NDUFAF6: variants seen among roughly 807,000 people sequenced by gnomAD.
NDUFAF6 encodes the protein NADH dehydrogenase (ubiquinone) complex I, assembly factor 6.
Under a neutral mutation model 40.8 loss-of-function variants are expected in NDUFAF6, and 45 were observed. The ratio of observed to expected loss-of-function variants is 1.10; its 90% confidence interval spans 0.87 to 1.42. The LOEUF is 1.42. NDUFAF6 is among the 40% of genes most tolerant of loss of function. The pLI is 0.00. For missense variants in NDUFAF6, 435 were observed against 418.5 expected, an observed-to-expected ratio of 1.04 and a Z score of -0.34; for synonymous variants, 185 against 155.9, an observed-to-expected ratio of 1.19 and a Z score of -1.39.
chr8:94,958,399 C>T (rs1444049693), intron 1 of NDUFAF6, among the ~76,000 whole-genome samples: 1 of 152,022 alleles, frequency 6.6e-6, no homozygotes, highest in Non-Finnish European at 1.5e-5. Flanking sequence ...CATGCTCTGC[C>T]TGTGTTTGTC....
chr8:94,963,583 T>C (rs529149073), intron 1 of NDUFAF6, among the ~76,000 whole-genome samples: 1 of 152,360 alleles, frequency 6.6e-6, no homozygotes, highest in African/African-American at 2.4e-5. Context: ...GGCCAGAGGC[T>C]GGCTCAGCTG....
At chr8:94,933,216 AATAC>A (rs1820602138) in intron 1 of NDUFAF6, among the ~76,000 whole-genome samples, 1 of 152,190 alleles carries the variant, frequency 6.6e-6, no homozygotes, top group South Asian at 2.1e-4. Context: ...TCCGTGTTAA[AATAC>A]ATAAATAAAA....
intron 1 of NDUFAF6, among the ~76,000 whole-genome samples, chr8:95,100,809 G>A (rs1373748264): frequency 5.9e-5 from 9 of 152,124 alleles, no homozygotes; most frequent in African/African-American, 2.2e-4. Flanking sequence ...TGTAAAGTAG[G>A]TGTGCCTATT....
chr8:95,024,787 G>C (rs979627463), upstream of NDUFAF6, among the ~76,000 whole-genome samples: 1 of 152,234 alleles, frequency 6.6e-6, no homozygotes, highest in Non-Finnish European at 1.5e-5. Context: ...AGCCCAGGAG[G>C]GGTCGGACGG....
upstream of NDUFAF6, among the ~76,000 whole-genome samples, chr8:94,954,679 T>C (rs981588949): frequency 3.3e-5 from 5 of 149,586 alleles, no homozygotes; most frequent in African/African-American, 7.4e-5. Flanking sequence ...GAAGAGTCTT[T>C]GCTGTGCTTA....
chr8:94,946,427 G>A (rs575116975), intron 2 of NDUFAF6, among the ~76,000 whole-genome samples: 59 of 151,982 alleles, frequency 3.9e-4, no homozygotes, highest in African/African-American at 1.3e-3. Flanking sequence ...GAGGCTGGGC[G>A]CAGTGGCTCA....
chr8:95,049,194 ACT>A (rs1831153208), intron 7 of NDUFAF6, among the ~76,000 whole-genome samples: 2 of 151,586 alleles, frequency 1.3e-5, no homozygotes, highest in Non-Finnish European at 2.9e-5. Flanking sequence ...GTCATTTACA[ACT>A]CGTTTTCCTG....
intron 1 of NDUFAF6, chr8:95,100,676 C>G (rs1486118128): frequency 1.3e-5 from 2 of 152,186 alleles, no homozygotes; most frequent in Non-Finnish European, 2.9e-5. Context: ...ACGCAGCTTC[C>G]AGTATGATTT....
intron 4 of NDUFAF6, among the ~76,000 whole-genome samples, chr8:95,113,122 C>A (rs1389302613): frequency 6.6e-6 from 1 of 152,204 alleles, no homozygotes; most frequent in African/African-American, 2.4e-5. Context: ...TGCCGGAGGT[C>A]ACACAGGTTG....
intron 1 of NDUFAF6, among the ~76,000 whole-genome samples, chr8:94,958,616 C>G (rs1022094378): frequency 7.1e-6 from 1 of 140,654 alleles, no homozygotes; most frequent in African/African-American, 2.7e-5. Context: ...CTCACTGCAG[C>G]CTCCGCCTTC....
chr8:94,948,887 G>A (rs1369432487), intron 2 of NDUFAF6, among the ~76,000 whole-genome samples: 1 of 151,570 alleles, frequency 6.6e-6, no homozygotes, highest in Non-Finnish European at 1.5e-5. Context: ...GCCAGGCCGG[G>A]CCCTTGTCCG....
chr8:94,977,031 G>A (rs1300786205), intron 1 of NDUFAF6, among the ~76,000 whole-genome samples: 2 of 151,240 alleles, frequency 1.3e-5, no homozygotes, highest in African/African-American at 4.9e-5. Context: ...CACACCTGTG[G>A]TCCCACCTAG....
Position 94,930,545 on chromosome 8 carries a change from G to A in NDUFAF6, c.-935-14938G>A, listed in dbSNP as rs77630257. ...AGCCATTGTGCTTGACTTGCCGAGG[G>A]TGGCAATCCCTGGTAAGATTTTGGC... On this transcript the variant is annotated intron_variant, in intron 1 of 14. Coordinates refer to the NDUFAF6 transcript ENST00000396113. 2,229 of 1,614,224 alleles carry A rather than the reference G, an allele frequency of 1.4e-3. 18 individuals carry two copies. The African/African-American group carries it at 0.027, about 19-fold the overall frequency.
At chr8:94,923,344 A>G (rs536209452) in intron 1 of NDUFAF6, among the ~76,000 whole-genome samples, 1 of 152,348 alleles carries the variant, frequency 6.6e-6, no homozygotes, top group South Asian at 2.1e-4. Flanking sequence ...TGCACTGTCC[A>G]GTATGGTAGC....
intron 9 of NDUFAF6, among the ~76,000 whole-genome samples, chr8:95,075,003 GA>G (rs1179564290): frequency 1.3e-5 from 2 of 152,046 alleles, no homozygotes; most frequent in Non-Finnish European, 2.9e-5. Context: ...AGTCTAACGT[GA>G]AAAACATTAT....
intron 1 of NDUFAF6, among the ~76,000 whole-genome samples, chr8:94,925,014 A>G (rs574265195): frequency 6.6e-6 from 1 of 152,332 alleles, no homozygotes; most frequent in South Asian, 2.1e-4. Flanking sequence ...AAGTGCTGGC[A>G]TTACAGGCAC....
upstream of NDUFAF6, among the ~76,000 whole-genome samples, chr8:95,023,532 T>C (rs1827786048): frequency 6.6e-6 from 1 of 152,160 alleles, no homozygotes; most frequent in Non-Finnish European, 1.5e-5. Flanking sequence ...GGAAACGCCA[T>C]GATCAGATGG....
chr8:94,964,785 T>C (rs1178304352), intron 1 of NDUFAF6, among the ~76,000 whole-genome samples: 4 of 152,184 alleles, frequency 2.6e-5, no homozygotes, highest in Admixed American at 6.5e-5. Flanking sequence ...CTTCCAACAT[T>C]GGTGGGGGTC....
chr8:95,118,030 C>T (rs1050909417), downstream of NDUFAF6, among the ~76,000 whole-genome samples: 15 of 152,194 alleles, frequency 9.9e-5, no homozygotes, highest in Admixed American at 3.3e-4. Context: ...ATCTGATTGC[C>T]GTCAGGTGTT....
Sources: gnomAD v4.1 joint callset for allele counts (sites outside exome capture counted in the v4.1 genomes callset) on GRCh38, gnomAD v4.1.1 for gene constraint, MANE v1.5 for transcripts, NCBI Gene and HGNC (gene_info 2026-07-23, HGNC 2026-07-21) for gene names.